CDKL3: variants seen among roughly 807,000 people sequenced by gnomAD.
CDKL3 encodes the protein cyclin-dependent kinase-like 3.
Under a neutral mutation model 69.3 loss-of-function variants are expected in CDKL3, and 65 were observed. The ratio of observed to expected loss-of-function variants is 0.94; its 90% confidence interval spans 0.77 to 1.15. CDKL3 has a LOEUF of 1.15. Ranked by LOEUF, CDKL3 falls within the 50% of genes most tolerant of loss-of-function variation. CDKL3 has a pLI of 0.00. For synonymous variants in CDKL3, 202 were observed against 221.6 expected, an observed-to-expected ratio of 0.91 and a Z score of 0.79; for missense variants, 652 against 689.2, an observed-to-expected ratio of 0.95 and a Z score of 0.61.
chr5:134,325,164 T>A (rs570898141), intron 4 of CDKL3, among the ~76,000 whole-genome samples: 5 of 152,238 alleles, frequency 3.3e-5, no homozygotes, highest in Non-Finnish European at 5.9e-5. Context: ...TGAGACAGAA[T>A]GCGACACTGT....
intron 9 of CDKL3, among the ~76,000 whole-genome samples, chr5:134,307,813 T>C (rs922254687): frequency 5.3e-5 from 8 of 152,240 alleles, no homozygotes; most frequent in Admixed American, 1.3e-4. Context: ...TATTTTGTTA[T>C]ACCAAGGCAC....
chr5:134,363,957 TAAAAAA>T, intron 2 of CDKL3, among the ~76,000 whole-genome samples: 2 of 96,438 alleles, frequency 2.1e-5, no homozygotes, highest in Admixed American at 2.3e-4. Context: ...CTCCATTTCT[TAAAAAA>T]AAAAAAAAAA....
upstream of CDKL3, chr5:134,371,136 T>G: frequency 3.9e-6 from 1 of 256,302 alleles, no homozygotes; most frequent in Non-Finnish European, 7.7e-6. Flanking sequence ...CACGTGATCT[T>G]ACATCATCCC....
chr5:134,305,211 A>C (rs1187893063), intron 10 of CDKL3, among the ~76,000 whole-genome samples: 1 of 152,050 alleles, frequency 6.6e-6, no homozygotes, highest in Non-Finnish European at 1.5e-5. Context: ...TCTTGGGCTC[A>C]AGCCATAGTC....
Position 134,321,895 on chromosome 5 carries a change from T to C in CDKL3, c.548A>G (p.Asp183Gly). The C allele has an allele frequency of 1.3e-6, 2 of 1,587,552 alleles. No individual in the cohort carries two copies. Among genetic ancestry groups the C allele is most frequent in the Non-Finnish European group, 1.7e-6 (2 of 1,157,880 alleles). Residue 183 changes from aspartate (D) to glycine (G), a missense_variant, in exon 5 of 13, where the codon GAT becomes GGT. Physicochemically the swap from Asp to Gly is moderately conservative, Grantham distance 94 (BLOSUM62 -1). Coordinates refer to ENST00000265334, the MANE Select transcript of CDKL3 (RefSeq NM_001113575.2). The part of the protein sequence containing the change: ...LKDTSYGKPV[D>G]IWALGCMIIE... ...GATCATACAGCCCAAAGCCCAGATA[T>C]CCACAGGTCTGAAACAGATCAGGGA...
intron 7 of CDKL3, among the ~76,000 whole-genome samples, 167 bp downstream of exon 7, chr5:134,312,125 G>C (rs1769709881): frequency 6.6e-6 from 1 of 152,120 alleles, no homozygotes; most frequent in South Asian, 2.1e-4. Context: ...CGTGACACTT[G>C]TTAAGTCTGC....
intron 3 of CDKL3, among the ~76,000 whole-genome samples, chr5:134,359,173 G>A (rs1437172661): frequency 2.6e-5 from 4 of 151,796 alleles, no homozygotes; most frequent in Non-Finnish European, 5.9e-5. Context: ...CCGTCATCTC[G>A]GACAAACACC....
At position 134,321,851 on chromosome 5, in the gene CDKL3, T is replaced by G; in HGVS notation, c.592A>C (p.Asn198His). Reference sequence around the variant, plus strand: ...TCAGAACTACTAGGAAGATAGGGATTTCCAGTGGCCATCTCAATGATCATA... The same window carrying G: ...TCAGAACTACTAGGAAGATAGGGATGTCCAGTGGCCATCTCAATGATCATA... Reference protein sequence around the residue: ...GCMIIEMATGNPYLPSSSDLD... With the variant: ...GCMIIEMATGHPYLPSSSDLD... The change falls in exon 5 of 13, where the codon AAT (asparagine) becomes CAT (histidine). Residue 198 changes from asparagine (N) to histidine (H), a missense_variant. Physicochemically the swap from Asn to His is moderately conservative, Grantham distance 68. Transcript: ENST00000265334. The G allele has an allele frequency of 1.2e-6, 2 of 1,613,118 alleles. No individual in the cohort carries two copies. Among genetic ancestry groups the G allele is most frequent in the Admixed American group, 1.7e-5 (1 of 59,980 alleles).
In CDKL3 at chr5:134,308,080, G is replaced by C. The variant is rs1025417263; in HGVS notation, c.1364+58C>G. 1.6e-5 allele frequency: 24 copies of C among 1,509,310 alleles called. No homozygotes were observed. In the African/African-American group the frequency reaches 3.0e-4, roughly 19 times the overall value. 93.5% of individuals were successfully genotyped at this position (1,509,310 alleles called of 1,614,324 possible). A position where few individuals can be genotyped will look rare whatever the true frequency, so the allele number is the denominator to read the frequency against. ...ACAGACACTATGAACACGATTCTTT[G>C]AAATACCATTATACAGGAATGTTGT... On this transcript the variant is annotated intron_variant, in intron 9 of 12. Transcript: ENST00000265334.
chr5:134,311,338 C>T (rs568310103), intron 7 of CDKL3, among the ~76,000 whole-genome samples: 1 of 152,192 alleles, frequency 6.6e-6, no homozygotes, highest in Admixed American at 6.5e-5. Context: ...ATCCCCATCT[C>T]TACTAAAAAT....
intron 4 of CDKL3, among the ~76,000 whole-genome samples, chr5:134,348,062 G>A (rs6866280): frequency 0.022 from 3,327 of 152,170 alleles, 73 homozygotes; most frequent in African/African-American, 0.056. Context: ...AAACTAAATG[G>A]AGGCACATTT....
chr5:134,328,277 T>C (rs547832836), intron 4 of CDKL3, among the ~76,000 whole-genome samples: 1 of 152,298 alleles, frequency 6.6e-6, no homozygotes, highest in African/African-American at 2.4e-5. Context: ...AAGAAAGGTA[T>C]GACAGTGTCA....
At chr5:134,363,114 G>A (rs937636146) in intron 2 of CDKL3, among the ~76,000 whole-genome samples, 1 of 152,104 alleles carries the variant, frequency 6.6e-6, no homozygotes, top group African/African-American at 2.4e-5. Context: ...AACAGTTGAA[G>A]AAAGAGCAAG....
At chr5:134,371,331 G>A, upstream of CDKL3, 4 of 579,656 alleles carry the variant, frequency 6.9e-6, no homozygotes, top group Non-Finnish European at 1.2e-5. Flanking sequence ...AGGGGGAACC[G>A]CGCCCCGCTG....
intron 9 of CDKL3, among the ~76,000 whole-genome samples, 179 bp from the exon 10 acceptor site, chr5:134,306,881 A>G: frequency 6.7e-6 from 1 of 148,810 alleles, no homozygotes; most frequent in East Asian, 2.0e-4. Context: ...CAGCCTCCCA[A>G]GTAGCTGGGA....
downstream of CDKL3, among the ~76,000 whole-genome samples, chr5:134,296,947 CTTTT>C (rs1765386141): frequency 7.0e-6 from 1 of 142,550 alleles, no homozygotes; most frequent in African/African-American, 2.6e-5. Flanking sequence ...TTTTTCTTTT[CTTTT>C]CTTTTTTTTT....
chr5:134,340,588 G>C (rs946774279), intron 4 of CDKL3, among the ~76,000 whole-genome samples: 1 of 152,146 alleles, frequency 6.6e-6, no homozygotes. Context: ...ATAATTGTTT[G>C]CCAACAGATT....
intron 12 of CDKL3, among the ~76,000 whole-genome samples, chr5:134,301,554 T>G (rs1766335926): frequency 6.6e-6 from 1 of 151,678 alleles, no homozygotes; most frequent in Non-Finnish European, 1.5e-5. Flanking sequence ...AATTTTATCA[T>G]GAGTAAAACT....
chr5:134,349,163 C>T (rs1752643102), intron 4 of CDKL3, among the ~76,000 whole-genome samples: 1 of 152,044 alleles, frequency 6.6e-6, no homozygotes. Flanking sequence ...TTTGATGTAT[C>T]TAAAGCATTT....
Sources: allele counts gnomAD v4.1 joint callset (sites outside exome capture counted in the v4.1 genomes callset), GRCh38; gene constraint gnomAD v4.1.1; transcripts MANE v1.5; gene names NCBI Gene and HGNC (gene_info 2026-07-23, HGNC 2026-07-21).